CCDC40: variants seen among roughly 807,000 people sequenced by gnomAD.
CCDC40 encodes the protein coiled-coil domain 40 molecular ruler complex subunit, also known as coiled-coil domain-containing protein 40.
In CCDC40, 104 loss-of-function variants were observed where a neutral mutation model predicts 124.5. The observed-to-expected ratio is 0.84, with a 90% CI of 0.71 to 0.98. The LOEUF is 0.98. Among genes scored for constraint, CCDC40 ranks in the 50% least tolerant of loss-of-function variants. CCDC40 has a pLI of 0.00. For synonymous variants in CCDC40, 580 were observed against 602.9 expected, an observed-to-expected ratio of 0.96 and a Z score of 0.56; for missense variants, 1,463 against 1,503.9, an observed-to-expected ratio of 0.97 and a Z score of 0.45.
chr17:80,041,868 A>G (rs1598477888), intron 3 of CCDC40, among the ~76,000 whole-genome samples: 1 of 152,212 alleles, frequency 6.6e-6, no homozygotes. Flanking sequence ...ACCATTCCTG[A>G]TGATGTTCAC....
intron 9 of CCDC40, among the ~76,000 whole-genome samples, chr17:80,059,481 T>A (rs1346316228): frequency 7.8e-6 from 1 of 128,312 alleles, no homozygotes; most frequent in Non-Finnish European, 1.6e-5. Flanking sequence ...CCAAAGTTAC[T>A]GCAACTTAAA....
chr17:80,060,757 T>C (rs934646333), intron 9 of CCDC40, among the ~76,000 whole-genome samples: 1 of 152,148 alleles, frequency 6.6e-6, no homozygotes, highest in Non-Finnish European at 1.5e-5. Flanking sequence ...AGGCAAGACA[T>C]TGAAGCCTAT....
chr17:80,087,291 T>C lies in CCDC40; in HGVS notation c.2450-316T>C, dbSNP rs2038606432. 2.3e-6 allele frequency: 1 copy of C among 441,084 alleles called. No individual in the cohort carries two copies. The highest frequency in any genetic ancestry group is 4.2e-6 in the Non-Finnish European group (1 of 236,718). 27.3% of individuals were successfully genotyped at this position (441,084 alleles called of 1,614,324 possible). ...CCGGTGCTCCACAGATTTGCAAGTG[T>C]CTGGGGGAGGGAGCCTGGCCCTCCC... On this transcript the variant is annotated intron_variant, in intron 14 of 19. Transcript: ENST00000397545. This position sits in a 1 kb window ranked among gnomAD's most constrained non-coding sequence, Gnocchi z 4.5.
intron 2 of CCDC40, among the ~76,000 whole-genome samples, chr17:80,039,297 G>A (rs2143574306): frequency 6.6e-6 from 1 of 151,990 alleles, no homozygotes; most frequent in African/African-American, 2.4e-5. Context: ...AACCCAGGAG[G>A]TGGAAGTTGC....
At chr17:80,067,298 A>C in intron 10 of CCDC40, 1 of 550,008 alleles carries the variant, frequency 1.8e-6, no homozygotes. Flanking sequence ...ATCGTATTCG[A>C]TCAGGTCTCC....
intron 10 of CCDC40, among the ~76,000 whole-genome samples, chr17:80,068,923 G>A (rs143208151): frequency 4.6e-5 from 7 of 152,360 alleles, no homozygotes; most frequent in East Asian, 1.9e-4. Flanking sequence ...CTCAGGGACC[G>A]GCTAGAGGGC....
At position 80,038,070 on chromosome 17, in the gene CCDC40, C is replaced by T; in HGVS notation, c.30-53C>T. On this transcript the variant is annotated intron_variant, in intron 1 of 19. Coordinates refer to ENST00000397545, the MANE Select transcript of CCDC40 (RefSeq NM_017950.4). ...GCAGAATTCAGGAGGGGATAAGGAC[C>T]AAGAAAAAGAAAGCTGTTGCTTGAA... 3.2e-6 allele frequency: 4 copies of T among 1,250,984 alleles called. No homozygotes were observed. The South Asian group carries it at 4.9e-5, about 15-fold the overall frequency. 77.5% of individuals were successfully genotyped at this position (1,250,984 alleles called of 1,614,324 possible). A position where few individuals can be genotyped will look rare whatever the true frequency, so the allele number is the denominator to read the frequency against.
intron 19 of CCDC40, chr17:80,097,746 G>T: frequency 3.0e-6 from 1 of 333,866 alleles, no homozygotes; most frequent in South Asian, 2.7e-5. Flanking sequence ...AAGATACAGT[G>T]TGTTGTAGCT....
At chr17:80,083,920 G>A (rs1053965347) in intron 12 of CCDC40, among the ~76,000 whole-genome samples, 13 of 152,242 alleles carry the variant, frequency 8.5e-5, no homozygotes, top group Non-Finnish European at 1.8e-4. Context: ...AGGAACATAA[G>A]ACCCGACTTA....
intron 13 of CCDC40, 22 bp downstream of exon 13, chr17:80,085,010 C>A: frequency 6.2e-7 from 1 of 1,612,014 alleles, no homozygotes. Context: ...GGCAGGGAGA[C>A]GTGGTCCCCG....
intron 17 of CCDC40, 35 bp from the exon 18 acceptor site, chr17:80,095,228 T>TGCCCCA (rs1335574914): frequency 6.2e-7 from 1 of 1,606,396 alleles, no homozygotes; most frequent in East Asian, 2.2e-5. Flanking sequence ...AGCTCAGGCC[T>TGCCCCA]GCCCCAGCCC....
chr17:80,060,324 C>T (rs2037864822), intron 9 of CCDC40, among the ~76,000 whole-genome samples: 1 of 152,034 alleles, frequency 6.6e-6, no homozygotes, highest in African/African-American at 2.4e-5. Flanking sequence ...AAGAGGATGG[C>T]TTGAGCCCAG....
intron 9 of CCDC40, among the ~76,000 whole-genome samples, chr17:80,062,135 A>C (rs1156740573): frequency 6.6e-6 from 1 of 151,842 alleles, no homozygotes; most frequent in African/African-American, 2.4e-5. Context: ...CAGTGAATAG[A>C]GACTCATGGG....
At chr17:80,094,303 T>G (rs1202293639) in intron 17 of CCDC40, among the ~76,000 whole-genome samples, 2 of 151,118 alleles carry the variant, frequency 1.3e-5, no homozygotes, top group Non-Finnish European at 2.9e-5. Flanking sequence ...TCCTAACTAC[T>G]TGGGAGGCTG....
Position 80,040,154 on chromosome 17 carries a change from A to G in CCDC40, c.436A>G (p.Thr146Ala), listed in dbSNP as rs2037238182. ...TCTCCAAGGCTTCCAGCAAGAGGCCACCGGTCCACCAGAATCCAGAGAAAG... is the reference window on the plus strand; with the variant it reads ...TCTCCAAGGCTTCCAGCAAGAGGCCGCCGGTCCACCAGAATCCAGAGAAAG... ...AGLQGFQQEA[T>A]GPPESRERRV... is the part of the protein sequence containing the mutation. The change falls in exon 3 of 20, where the codon ACC (threonine) becomes GCC (alanine). Residue 146 changes from threonine (T) to alanine (A), a missense_variant. By Grantham distance (58) the Thr-to-Ala change is moderately conservative. Coordinates refer to ENST00000397545, the MANE Select transcript of CCDC40 (RefSeq NM_017950.4). 7.4e-6 allele frequency: 12 copies of G among 1,613,914 alleles called. No individual in the cohort carries two copies. The highest frequency in any genetic ancestry group is 9.3e-6 in the Non-Finnish European group (11 of 1,179,948).
At chr17:80,089,368 C>G (rs1463493887) in intron 16 of CCDC40, among the ~76,000 whole-genome samples, 6 of 152,198 alleles carry the variant, frequency 3.9e-5, no homozygotes, top group African/African-American at 1.4e-4. Context: ...TATCTGGGAC[C>G]AATGCTTTGG....
At chr17:80,063,812 A>G (rs2037965423) in intron 9 of CCDC40, among the ~76,000 whole-genome samples, 1 of 152,144 alleles carries the variant, frequency 6.6e-6, no homozygotes, top group African/African-American at 2.4e-5. Context: ...GTCAACAATA[A>G]TTTATTGTAC....
intron 3 of CCDC40, among the ~76,000 whole-genome samples, chr17:80,044,403 G>A (rs1377054598): frequency 6.6e-6 from 1 of 152,056 alleles, no homozygotes; most frequent in African/African-American, 2.4e-5. Flanking sequence ...ACAACAACAG[G>A]CCAGGCCTAG....
intron 7 of CCDC40, among the ~76,000 whole-genome samples, chr17:80,053,976 A>G (rs986802488): frequency 2.0e-5 from 3 of 152,374 alleles, no homozygotes; most frequent in Middle Eastern, 3.4e-3. Flanking sequence ...AAATCTGCTC[A>G]GACAAAACCC....
Sources: gnomAD v4.1 joint callset for allele counts (sites outside exome capture counted in the v4.1 genomes callset) on GRCh38, gnomAD v4.1.1 for gene constraint, Gnocchi (gnomAD v3.1) non-coding constraint, MANE v1.5 for transcripts, NCBI Gene and HGNC (gene_info 2026-07-23, HGNC 2026-07-21) for gene names.